Variants in SOX5 observed in about 807,000 individuals in gnomAD.
SOX5 encodes transcription factor SOX-5.
Under a neutral mutation model 92.0 loss-of-function variants are expected in SOX5, and 9 were observed. The ratio of observed to expected loss-of-function variants is 0.10; its 90% CI spans 0.06 to 0.17. The LOEUF (loss-of-function observed/expected upper bound fraction) is 0.17. Among genes scored for constraint, SOX5 ranks in the 10% least tolerant of loss-of-function variants. The pLI, the probability that SOX5 is intolerant of heterozygous loss-of-function variation, is 1.00. For synonymous variants in SOX5, 344 were observed against 336.3 expected, an observed-to-expected ratio of 1.02 and a Z score of -0.25; for missense variants, 642 against 944.5, an observed-to-expected ratio of 0.68 and a Z score of 4.20.
chr12:24,280,666 AC>A (rs1234138513), intron 2 of SOX5, among the ~76,000 whole-genome samples: 1 of 152,134 alleles, frequency 6.6e-6, no homozygotes, highest in Non-Finnish European at 1.5e-5. Flanking sequence ...TATTTCATTT[AC>A]CAGATACAGC....
intron 3 of SOX5, among the ~76,000 whole-genome samples, chr12:23,785,454 T>TA (rs1205729673): frequency 2.0e-5 from 3 of 152,236 alleles, no homozygotes; most frequent in Middle Eastern, 3.4e-3. Flanking sequence ...CAAAATTAAA[T>TA]AAAAAAATTT....
chr12:24,127,640 C>T (rs1949239974), intron 4 of SOX5, among the ~76,000 whole-genome samples: 1 of 152,134 alleles, frequency 6.6e-6, no homozygotes, highest in Non-Finnish European at 1.5e-5. Flanking sequence ...CTTTGTTTTA[C>T]AGCCTTGACA....
chr12:23,665,390 A>G, intron 7 of SOX5, 54 bp downstream of exon 7: 1 of 1,597,666 alleles, frequency 6.3e-7, no homozygotes, highest in Non-Finnish European at 8.6e-7. Flanking sequence ...TAAATTGCCT[A>G]ATTTAAAGCT....
chr12:24,038,979 C>T (rs917912047), intron 4 of SOX5, among the ~76,000 whole-genome samples: 4 of 152,254 alleles, frequency 2.6e-5, no homozygotes, highest in Non-Finnish European at 4.4e-5. Flanking sequence ...AGTATATTCA[C>T]TACATGTTCT....
intron 8 of SOX5, among the ~76,000 whole-genome samples, chr12:23,613,342 A>C (rs998183008): frequency 1.1e-4 from 17 of 152,272 alleles, no homozygotes; most frequent in African/African-American, 4.1e-4. Flanking sequence ...AGAGAAAAAA[A>C]AAAAAGCACC....
At chr12:23,670,426 G>T (rs1278356904) in intron 6 of SOX5, among the ~76,000 whole-genome samples, 1 of 152,070 alleles carries the variant, frequency 6.6e-6, no homozygotes, top group Admixed American at 6.6e-5. Flanking sequence ...TTTTTTTCAG[G>T]TAGCAGGGTT....
At chr12:23,703,633 C>A (rs2090973146) in intron 6 of SOX5, among the ~76,000 whole-genome samples, 1 of 151,662 alleles carries the variant, frequency 6.6e-6, no homozygotes, top group Non-Finnish European at 1.5e-5. Flanking sequence ...AAATTCAGTA[C>A]ATATTTGGAC....
At chr12:24,554,342 A>G (rs933929617) in intron 1 of SOX5, among the ~76,000 whole-genome samples, 1 of 152,204 alleles carries the variant, frequency 6.6e-6, no homozygotes, top group African/African-American at 2.4e-5. Flanking sequence ...TAGGAAACAC[A>G]CTGTCAAAAG....
At position 24,145,598 on chromosome 12, in the gene SOX5, G is replaced by T. The variant is rs901544590; in HGVS notation, c.-2+67745C>A. ...TGCAGCCTCAACCTCCCAGGCTCAA[G>T]AAATCCTCCTGCCTGATCCTCCCAA... is the stretch of plus-strand genomic sequence containing the variant. On this transcript the variant is annotated intron_variant, in intron 4 of 4. Transcript: ENST00000446891. 3.3e-5 allele frequency among the ~76,000 whole-genome samples: 5 copies of T among 152,172 alleles called. No individual in the cohort carries two copies. In the South Asian group the frequency reaches 8.3e-4, roughly 25 times the overall value.
At position 23,635,537 on chromosome 12, in the gene SOX5, G is replaced by C. The variant is rs191332798; in HGVS notation, c.1017+5275C>G. Among the ~76,000 whole-genome samples the C allele has an allele frequency of 1.6e-4, 24 of 152,100 alleles. No homozygotes were observed. In the East Asian group the frequency reaches 3.7e-3, roughly 23 times the overall value. Reference sequence around the variant, plus strand: ...GGGGCCTGTCGTGGGGTGGGAGGAGGGGGGAGGGAGAGCATTAGGAGATAT... The same window carrying C: ...GGGGCCTGTCGTGGGGTGGGAGGAGCGGGGAGGGAGAGCATTAGGAGATAT... On this transcript the variant is annotated intron_variant, in intron 8 of 14. Transcript: ENST00000451604.
intron 2 of SOX5, among the ~76,000 whole-genome samples, chr12:24,317,874 C>T (rs1565893270): frequency 2.0e-5 from 3 of 152,112 alleles, no homozygotes; most frequent in Admixed American, 2.0e-4. Context: ...AAGAAGAGAT[C>T]CCTCCAATAT....
Position 23,806,051 on chromosome 12 carries a change from A to AT in SOX5, c.481+39931dup, listed in dbSNP as rs914381794. The stretch of plus-strand genomic sequence containing the variant: ...GATGATCAATTTTATGAGTAACTAC[A>AT]TTTTTTTCTGACAAAACAAACATTT... On this transcript the variant is annotated intron_variant, in intron 3 of 14. Coordinates refer to ENST00000451604, the MANE Select transcript of SOX5 (RefSeq NM_006940.6). Among the ~76,000 whole-genome samples, 4 of 152,232 alleles carry AT rather than the reference A, an allele frequency of 2.6e-5. No homozygotes were observed. In the South Asian group the frequency reaches 6.2e-4, roughly 24 times the overall value.
At chr12:23,666,418 A>G (rs141711953) in intron 6 of SOX5, among the ~76,000 whole-genome samples, 51 of 152,324 alleles carry the variant, frequency 3.3e-4, no homozygotes, top group African/African-American at 1.1e-3. Context: ...TGAGCCGAAA[A>G]GGAATTTTTA....
chr12:23,676,736 T>C (rs1462322417), intron 6 of SOX5, among the ~76,000 whole-genome samples: 3 of 152,256 alleles, frequency 2.0e-5, no homozygotes, highest in African/African-American at 4.8e-5. Context: ...CCTTGAATTA[T>C]GGCACTTTTC....
intron 1 of SOX5, among the ~76,000 whole-genome samples, chr12:23,922,558 T>C (rs141557541): frequency 6.6e-6 from 1 of 152,342 alleles, no homozygotes; most frequent in East Asian, 1.9e-4. Context: ...TACTATATTT[T>C]GCTTCATATG....
At chr12:24,501,324 T>C (rs973848216) in intron 1 of SOX5, among the ~76,000 whole-genome samples, 7 of 146,880 alleles carry the variant, frequency 4.8e-5, no homozygotes, top group African/African-American at 1.8e-4. Flanking sequence ...AGGACCAGGA[T>C]AGGGGCAAGA....
intron 1 of SOX5, among the ~76,000 whole-genome samples, chr12:23,949,034 GA>G (rs1053947851): frequency 4.0e-4 from 61 of 152,024 alleles, no homozygotes; most frequent in African/African-American, 1.3e-3. Flanking sequence ...TCTTTGGGGG[GA>G]AAAAACGCTC....
At chr12:24,347,167 A>T (rs2141126058) in intron 2 of SOX5, among the ~76,000 whole-genome samples, 1 of 152,286 alleles carries the variant, frequency 6.6e-6, no homozygotes, top group South Asian at 2.1e-4. Context: ...AAAAAGCAAA[A>T]CTTGCATTTG....
At chr12:23,598,063 T>G (rs536854497) in intron 9 of SOX5, among the ~76,000 whole-genome samples, 1 of 152,316 alleles carries the variant, frequency 6.6e-6, no homozygotes, top group South Asian at 2.1e-4. Flanking sequence ...ATTTCAGCAC[T>G]GTGAATTACT....
Sources: allele counts gnomAD v4.1 joint callset (sites outside exome capture counted in the v4.1 genomes callset), GRCh38; gene constraint gnomAD v4.1.1; transcripts MANE v1.5; gene names NCBI Gene and HGNC (gene_info 2026-07-23, HGNC 2026-07-21).